The following PTPRK variants were observed in gnomAD, a reference collection of about 807,000 sequenced individuals.
PTPRK encodes protein tyrosine phosphatase receptor type K.
A neutral mutation model predicts 178.0 loss-of-function variants in PTPRK; 75 were observed. The observed-to-expected ratio is 0.42, with a 90% CI of 0.35 to 0.51. The LOEUF is 0.51. Ranked by LOEUF, PTPRK falls within the 20% of genes least tolerant of loss-of-function variation. The probability of loss-of-function intolerance (pLI) is 0.02; values close to 1 mark genes in which losing one functional copy is unlikely to be tolerated. For missense variants in PTPRK, 1,441 were observed against 1,797.8 expected, an observed-to-expected ratio of 0.80 and a Z score of 3.59; for synonymous variants, 637 against 620.6, an observed-to-expected ratio of 1.03 and a Z score of -0.39.
intron 3 of PTPRK, among the ~76,000 whole-genome samples, chr6:128,277,441 C>CA (rs1317862168): frequency 6.6e-6 from 1 of 152,098 alleles, no homozygotes; most frequent in Non-Finnish European, 1.5e-5. Flanking sequence ...AGAGCTCTGT[C>CA]AAAACACTGA....
intron 3 of PTPRK, among the ~76,000 whole-genome samples, chr6:128,299,961 G>T (rs911665852): frequency 4.0e-5 from 6 of 151,820 alleles, no homozygotes; most frequent in Non-Finnish European, 8.8e-5. Context: ...GAAAATTTTC[G>T]CAACCTACTC....
At chr6:128,368,920 A>AT (rs1264067086) in intron 2 of PTPRK, among the ~76,000 whole-genome samples, 1 of 151,466 alleles carries the variant, frequency 6.6e-6, no homozygotes, top group African/African-American at 2.4e-5. Context: ...CTCTATTTAA[A>AT]AAAACAAAAC....
intron 7 of PTPRK, among the ~76,000 whole-genome samples, chr6:128,113,440 G>C (rs1790993553): frequency 6.7e-6 from 1 of 150,354 alleles, no homozygotes. Context: ...TGCAGGTTCT[G>C]CATCTACAGA....
At chr6:128,077,522 T>G (rs1424901787) in intron 11 of PTPRK, among the ~76,000 whole-genome samples, 7 of 150,030 alleles carry the variant, frequency 4.7e-5, no homozygotes, top group Non-Finnish European at 1.0e-4. Flanking sequence ...CTAGGATTAT[T>G]TTTGGTTATT....
At chr6:128,101,155 G>A (rs900687218) in intron 7 of PTPRK, among the ~76,000 whole-genome samples, 1 of 152,016 alleles carries the variant, frequency 6.6e-6, no homozygotes, top group Non-Finnish European at 1.5e-5. Flanking sequence ...AAGTGTAAAA[G>A]AACTGGGAGA....
At chr6:128,293,462 A>G (rs889211399) in intron 3 of PTPRK, among the ~76,000 whole-genome samples, 2 of 152,056 alleles carry the variant, frequency 1.3e-5, no homozygotes, top group African/African-American at 4.8e-5. Context: ...TGCCCTCATG[A>G]CTTAATCATC....
At chr6:128,211,710 G>T (rs1405861661) in intron 6 of PTPRK, among the ~76,000 whole-genome samples, 1 of 152,002 alleles carries the variant, frequency 6.6e-6, no homozygotes, top group Non-Finnish European at 1.5e-5. Flanking sequence ...TGCTTAAGTG[G>T]CAAATAATTT....
At chr6:128,502,831 T>A (rs992868766) in intron 1 of PTPRK, among the ~76,000 whole-genome samples, 1 of 152,204 alleles carries the variant, frequency 6.6e-6, no homozygotes. Context: ...AAGGGTGTGT[T>A]ACTATGCATC....
intron 8 of PTPRK, among the ~76,000 whole-genome samples, chr6:128,084,078 C>T (rs1280562802): frequency 6.6e-6 from 1 of 152,078 alleles, no homozygotes; most frequent in Non-Finnish European, 1.5e-5. Flanking sequence ...AAAGAATATT[C>T]TATCACCTTA....
chr6:128,240,611 G>T (rs1034279398), intron 4 of PTPRK, among the ~76,000 whole-genome samples: 2 of 152,086 alleles, frequency 1.3e-5, no homozygotes, highest in Non-Finnish European at 2.9e-5. Context: ...TACATTTTAA[G>T]CAGTTAGATC....
At position 128,103,121 on chromosome 6, in the gene PTPRK, C is replaced by T. The variant is rs117899872; in HGVS notation, c.1163-13129G>A. Among the ~76,000 whole-genome samples, 22 of 152,098 alleles carry T rather than the reference C, an allele frequency of 1.4e-4. 1 individual carries two copies. In the East Asian group the frequency reaches 3.3e-3, roughly 23 times the overall value. On this transcript the variant is annotated intron_variant, in intron 7 of 29. Coordinates refer to ENST00000368226, the MANE Select transcript of PTPRK (RefSeq NM_002844.4). Reference sequence around the variant, plus strand: ...AGAACAGAGGAACAGAAGAGTGGAGCGGCAGAGAAGGAGAGAAGACAAGGA... The same window carrying T: ...AGAACAGAGGAACAGAAGAGTGGAGTGGCAGAGAAGGAGAGAAGACAAGGA...
At position 128,332,711 on chromosome 6, in the gene PTPRK, C is replaced by T. The variant is rs57342961; in HGVS notation, c.224-10401G>A. Among the ~76,000 whole-genome samples, 1,370 of 152,318 alleles carry T rather than the reference C, an allele frequency of 9.0e-3. 24 individuals carry two copies. Among genetic ancestry groups the T allele is most frequent in the African/African-American group, 0.031 (1,299 of 41,582 alleles). On this transcript the variant is annotated intron_variant, in intron 2 of 29. Transcript: ENST00000368226. ...CTTCATAACCTTTCTTAACCCTTCC[C>T]TTCACAACTCTACCTATCCCTTTCA...
chr6:128,458,596 C>A (rs933588951), intron 1 of PTPRK, among the ~76,000 whole-genome samples: 3 of 152,228 alleles, frequency 2.0e-5, no homozygotes, highest in African/African-American at 7.2e-5. Context: ...CACACGCACA[C>A]ACTTGCACAC....
At chr6:128,273,210 G>A (rs1001270137) in intron 3 of PTPRK, among the ~76,000 whole-genome samples, 7 of 152,002 alleles carry the variant, frequency 4.6e-5, no homozygotes, top group East Asian at 1.9e-4. Context: ...GTCCTGTCGC[G>A]GGGTCGGGGG....
intron 2 of PTPRK, among the ~76,000 whole-genome samples, chr6:128,342,468 T>C (rs1431778409): frequency 1.3e-5 from 2 of 152,056 alleles, no homozygotes; most frequent in Non-Finnish European, 2.9e-5. Context: ...GATGGTCAAT[T>C]GTAATTGCCT....
At chr6:128,357,750 T>C (rs375510929) in intron 2 of PTPRK, among the ~76,000 whole-genome samples, 2 of 152,372 alleles carry the variant, frequency 1.3e-5, no homozygotes, top group South Asian at 2.1e-4. Context: ...AGTGTTTCCA[T>C]TCCTGGCACC....
At chr6:128,298,964 G>A (rs1450298988) in intron 3 of PTPRK, among the ~76,000 whole-genome samples, 1 of 152,178 alleles carries the variant, frequency 6.6e-6, no homozygotes, top group Non-Finnish European at 1.5e-5. Flanking sequence ...TGTATACCTA[G>A]AAAACCCCAC....
At chr6:127,981,729 A>G (rs28360516) in intron 24 of PTPRK, among the ~76,000 whole-genome samples, 37,887 of 152,118 alleles carry the variant, frequency 0.25, 5,718 homozygotes, top group Admixed American at 0.32. Context: ...TCTGCCCTTG[A>G]TTTTATTTTC....
chr6:128,074,323 A>C (rs2114969184), intron 11 of PTPRK, among the ~76,000 whole-genome samples: 1 of 152,206 alleles, frequency 6.6e-6, no homozygotes, highest in African/African-American at 2.4e-5. Context: ...GTCTCACCAC[A>C]GAGAAACTAT....
Sources: allele counts gnomAD v4.1 joint callset (sites outside exome capture counted in the v4.1 genomes callset), GRCh38; gene constraint gnomAD v4.1.1; transcripts MANE v1.5; gene names NCBI Gene and HGNC (gene_info 2026-07-23, HGNC 2026-07-21).